Variants in MCOLN2 observed in about 807,000 individuals in gnomAD.
MCOLN2 encodes the protein mucolipin TRP cation channel 2.
MCOLN2 carries 57 observed loss-of-function variants against 67.5 expected under a neutral mutation model. The ratio of observed to expected loss-of-function variants is 0.84; its 90% CI spans 0.68 to 1.05. MCOLN2 has a LOEUF of 1.05. MCOLN2 is among the 50% of genes least tolerant of loss of function. MCOLN2 has a pLI of 0.00. For missense variants in MCOLN2, 620 were observed against 678.8 expected (o/e 0.91, Z 0.96); for synonymous variants, 246 against 233.3 (o/e 1.05, Z -0.50).
chr1:84,995,987 G>A (rs1305304491), intron 1 of MCOLN2, among the ~76,000 whole-genome samples: 2 of 152,046 alleles, frequency 1.3e-5, no homozygotes, highest in African/African-American at 2.4e-5. Context: ...ACCTATGAAC[G>A]GTTTTCTAAA....
intron 4 of MCOLN2, among the ~76,000 whole-genome samples, chr1:84,955,805 CATG>C (rs1648751169): frequency 6.6e-6 from 1 of 152,010 alleles, no homozygotes; most frequent in African/African-American, 2.4e-5. Flanking sequence ...GATATGAAAA[CATG>C]ATGACTACAC....
intron 3 of MCOLN2, among the ~76,000 whole-genome samples, chr1:84,957,734 A>G (rs2102845775): frequency 6.6e-6 from 1 of 152,306 alleles, no homozygotes; most frequent in South Asian, 2.1e-4. Context: ...TTTGTGTGGT[A>G]TTCTCAGGGA....
At chr1:84,988,663 TC>T (rs1256220067) in intron 1 of MCOLN2, among the ~76,000 whole-genome samples, 1 of 152,118 alleles carries the variant, frequency 6.6e-6, no homozygotes, top group African/African-American at 2.4e-5. Flanking sequence ...TGCAATAGCC[TC>T]CCAATTCTTC....
chr1:84,946,522 T>C (rs1648120093), intron 7 of MCOLN2, among the ~76,000 whole-genome samples: 1 of 152,212 alleles, frequency 6.6e-6, no homozygotes, highest in South Asian at 2.1e-4. Flanking sequence ...GATTTTGGAA[T>C]ACTTGCATTA....
At chr1:84,981,184 G>C (rs1015570586) in intron 1 of MCOLN2, among the ~76,000 whole-genome samples, 1 of 152,144 alleles carries the variant, frequency 6.6e-6, no homozygotes, top group Non-Finnish European at 1.5e-5. Context: ...TGAGAAAAGG[G>C]AACCCTCATA....
chr1:84,940,807 G>C (rs1459128824), intron 8 of MCOLN2, 72 bp downstream of exon 8: 11 of 916,172 alleles, frequency 1.2e-5, no homozygotes, highest in African/African-American at 1.7e-5. Context: ...GCACAATATC[G>C]GTGGTCCACT....
rs758459832 is a variant in MCOLN2, at chr1:84,939,519, T to C, written c.1110+34A>G. Reference sequence around the variant, plus strand: ...ATGCCTGTGGCCATCCAGGAGAAGATGAAGAACAGAGACTTTAAATGGGCT... The same window carrying C: ...ATGCCTGTGGCCATCCAGGAGAAGACGAAGAACAGAGACTTTAAATGGGCT... On this transcript the variant is annotated intron_variant, in intron 9 of 13. Transcript: ENST00000370608. The C allele has an allele frequency of 3.1e-6, 5 of 1,607,174 alleles. No individual in the cohort carries two copies. The Admixed American group carries it at 5.1e-5, about 17-fold the overall frequency.
intron 1 of MCOLN2, among the ~76,000 whole-genome samples, chr1:84,975,741 T>A (rs907670717): frequency 1.3e-5 from 2 of 152,106 alleles, no homozygotes; most frequent in African/African-American, 4.8e-5. Context: ...TTCAGACAGA[T>A]AATTCAAAAT....
chr1:84,938,084 T>C lies in MCOLN2; in HGVS notation c.1111-2A>G. ...GCAGAGATCATAGTTTGTGAGATTC[T>C]AAGGAATGAAAAAAAAGAAAGAGAG... On this transcript the variant is annotated splice_acceptor_variant, in intron 9 of 13. Transcript: ENST00000370608. LOFTEE classifies it high-confidence loss of function. 3.1e-6 allele frequency: 5 copies of C among 1,599,794 alleles called. No homozygotes were observed. Among genetic ancestry groups the C allele is most frequent in the Non-Finnish European group, 4.3e-6 (5 of 1,172,104 alleles).
intron 1 of MCOLN2, among the ~76,000 whole-genome samples, chr1:84,983,521 G>A (rs1650360696): frequency 6.6e-6 from 1 of 151,972 alleles, no homozygotes; most frequent in Admixed American, 6.6e-5. Flanking sequence ...CTTCCCCCTG[G>A]CCTCCCAAAG....
chr1:84,932,314 C>T (rs1485107843), intron 11 of MCOLN2, among the ~76,000 whole-genome samples: 3 of 152,084 alleles, frequency 2.0e-5, no homozygotes, highest in African/African-American at 2.4e-5. Context: ...AGTGTTCAAG[C>T]GATTCTCATG....
intron 1 of MCOLN2, among the ~76,000 whole-genome samples, chr1:84,993,607 C>A (rs1650998094): frequency 7.5e-6 from 1 of 132,926 alleles, no homozygotes; most frequent in East Asian, 2.2e-4. Flanking sequence ...AAATGTAGTT[C>A]TTAAATAATG....
At chr1:84,930,914 A>G (rs1661373511) in intron 12 of MCOLN2, among the ~76,000 whole-genome samples, 1 of 152,294 alleles carries the variant, frequency 6.6e-6, no homozygotes, top group East Asian at 1.9e-4. Flanking sequence ...AACAGTCACA[A>G]AAGCCTTAGT....
At chr1:84,979,246 T>A (rs12091131) in intron 1 of MCOLN2, among the ~76,000 whole-genome samples, 1 of 151,942 alleles carries the variant, frequency 6.6e-6, no homozygotes, top group African/African-American at 2.4e-5. Context: ...TTCTACCAAA[T>A]GTTTAAAGAA....
At chr1:84,988,671 C>A (rs1280071620) in intron 1 of MCOLN2, among the ~76,000 whole-genome samples, 3 of 152,160 alleles carry the variant, frequency 2.0e-5, no homozygotes, top group African/African-American at 7.2e-5. Context: ...CCTCCCAATT[C>A]TTCACATAGT....
chr1:84,963,554 A>G (rs1253422231), intron 2 of MCOLN2, among the ~76,000 whole-genome samples: 2 of 152,278 alleles, frequency 1.3e-5, no homozygotes, highest in South Asian at 2.1e-4. Context: ...GTAATCCCCA[A>G]TGTTGCAGGA....
intron 1 of MCOLN2, among the ~76,000 whole-genome samples, chr1:84,968,701 C>G (rs1649502909): frequency 6.6e-6 from 1 of 152,200 alleles, no homozygotes; most frequent in Non-Finnish European, 1.5e-5. Context: ...ATCTCTCTGA[C>G]CTTCTCCTGA....
At chr1:84,927,964 T>C (rs969180024) in intron 13 of MCOLN2, among the ~76,000 whole-genome samples, 7 of 152,158 alleles carry the variant, frequency 4.6e-5, no homozygotes, top group African/African-American at 1.7e-4. Context: ...TAATTTTAGA[T>C]GGAGTCAAAG....
At chr1:84,937,493 G>T in intron 11 of MCOLN2, 1 of 686,384 alleles carries the variant, frequency 1.5e-6, no homozygotes, top group Non-Finnish European at 2.0e-6. Context: ...ATGATCACCG[G>T]GTAACCATGT....
Sources: allele counts gnomAD v4.1 joint callset (sites outside exome capture counted in the v4.1 genomes callset), GRCh38; gene constraint gnomAD v4.1.1; transcripts MANE v1.5; gene names NCBI Gene and HGNC (gene_info 2026-07-23, HGNC 2026-07-21).